ARAP2: variants seen among roughly 807,000 people sequenced by gnomAD.
The protein encoded by ARAP2 is arf-GAP with Rho-GAP domain, ANK repeat and PH domain-containing protein 2.
In ARAP2, 148 loss-of-function variants were observed where a neutral mutation model predicts 194.5. The observed-to-expected ratio is 0.76, with a 90% CI of 0.67 to 0.87. ARAP2 has a LOEUF of 0.87. Among genes scored for constraint, ARAP2 ranks in the 40% least tolerant of loss-of-function variants. The pLI, the probability that ARAP2 is intolerant of heterozygous loss-of-function variation, is 0.00. For missense variants in ARAP2, 2,128 were observed against 1,989.7 expected (o/e 1.07, Z -1.32); for synonymous variants, 695 against 683.5 (o/e 1.02, Z -0.26).
At chr4:36,056,273 C>A (rs773964564) in intron 2 of ARAP2, among the ~76,000 whole-genome samples, 1 of 152,200 alleles carries the variant, frequency 6.6e-6, no homozygotes, top group Non-Finnish European at 1.5e-5. Context: ...GTAGGCACTT[C>A]CCTTGTCTGG....
intron 5 of ARAP2, among the ~76,000 whole-genome samples, chr4:36,033,494 G>GT (rs34926829): frequency 9.5e-5 from 14 of 147,438 alleles, no homozygotes; most frequent in East Asian, 2.0e-4. Flanking sequence ...CAATGGGGTC[G>GT]TTTTTTTTTT....
At chr4:36,111,021 G>A (rs928886466) in intron 26 of ARAP2, among the ~76,000 whole-genome samples, 50 of 151,790 alleles carry the variant, frequency 3.3e-4, no homozygotes, top group African/African-American at 1.2e-3. Context: ...GTTATCTCAG[G>A]ACAGTAAAGG....
chr4:36,052,237 G>C (rs1722786347), intron 2 of ARAP2, among the ~76,000 whole-genome samples: 2 of 152,144 alleles, frequency 1.3e-5, no homozygotes, highest in Non-Finnish European at 2.9e-5. Flanking sequence ...AAGTAAAATT[G>C]CCAGGAAACA....
intron 2 of ARAP2, among the ~76,000 whole-genome samples, chr4:36,221,473 G>A (rs754815996): frequency 6.6e-6 from 1 of 151,866 alleles, no homozygotes; most frequent in Non-Finnish European, 1.5e-5. Context: ...TCAAACCTGG[G>A]CAGTCTTGTT....
intron 5 of ARAP2, among the ~76,000 whole-genome samples, chr4:36,026,373 G>A (rs1717907273): frequency 6.6e-6 from 1 of 152,156 alleles, no homozygotes; most frequent in African/African-American, 2.4e-5. Flanking sequence ...GATGTCAGAC[G>A]GGACACAAGG....
chr4:36,020,538 G>T (rs1290959609), intron 5 of ARAP2, among the ~76,000 whole-genome samples: 1 of 152,168 alleles, frequency 6.6e-6, no homozygotes, highest in Non-Finnish European at 1.5e-5. Context: ...GAAGCAGAAT[G>T]GGTGCTGGGA....
intron 20 of ARAP2, among the ~76,000 whole-genome samples, chr4:36,132,270 T>A (rs1317501777): frequency 1.3e-5 from 2 of 151,710 alleles, no homozygotes; most frequent in Admixed American, 6.6e-5. Context: ...AAGCACTCGA[T>A]AAAGAAGCAA....
At chr4:36,055,912 G>A (rs1232808138) in intron 2 of ARAP2, among the ~76,000 whole-genome samples, 3 of 152,060 alleles carry the variant, frequency 2.0e-5, no homozygotes, top group Non-Finnish European at 4.4e-5. Flanking sequence ...TTTCAGAGTG[G>A]GCAAGAGTTG....
chr4:36,238,337 T>C (rs1190047846), intron 1 of ARAP2, among the ~76,000 whole-genome samples: 3 of 152,186 alleles, frequency 2.0e-5, no homozygotes, highest in South Asian at 2.1e-4. Flanking sequence ...ACCATTTTTG[T>C]AGGACCTCAT....
chr4:36,147,870 A>C, intron 17 of ARAP2, 124 bp from the exon 18 acceptor site: 1 of 831,128 alleles, frequency 1.2e-6, no homozygotes. Flanking sequence ...TTCAAAGGTA[A>C]CACCAAATTC....
At chr4:36,130,643 A>T (rs1725203950) in intron 20 of ARAP2, among the ~76,000 whole-genome samples, 1 of 151,898 alleles carries the variant, frequency 6.6e-6, no homozygotes, top group Middle Eastern at 3.4e-3. Flanking sequence ...AATTTTATAC[A>T]CTGACTTGTA....
Position 36,198,240 on chromosome 4 carries a change from T to A in ARAP2, c.1488-4593A>T, listed in dbSNP as rs73809151. 5.5e-3 allele frequency among the ~76,000 whole-genome samples: 844 copies of A among 152,280 alleles called. 12 individuals carry two copies. The highest frequency in any genetic ancestry group is 0.018 in the African/African-American group (764 of 41,556). On this transcript the variant is annotated intron_variant, in intron 6 of 32. Transcript: ENST00000303965. ...GCCCTGGCCATGGGTAGCTCCTCCC[T>A]GCAGCTGGTCGTCCTGATGTCTGCG...
intron 7 of ARAP2, among the ~76,000 whole-genome samples, chr4:36,190,116 T>G (rs1461263490): frequency 2.6e-5 from 4 of 152,232 alleles, no homozygotes; most frequent in African/African-American, 9.6e-5. Flanking sequence ...CTGTTTGCTC[T>G]GCAACGAATT....
At position 36,014,320 on chromosome 4, in the gene ARAP2, AAGAG is replaced by A. The variant is rs1408991485; in HGVS notation, n.1056+1062_1056+1065del. ...AAGAAGAGAAGGAAGGAAAGAAAGA[AAGAG>A]AGAAAGAAAGAAAGAAAGAAAGAAA... On this transcript the variant is annotated intron_variant and non_coding_transcript_variant, in intron 8 of 12. Transcript: ENST00000503225. 1.1e-3 allele frequency among the ~76,000 whole-genome samples: 113 copies of A among 106,914 alleles called. 1 individual carries two copies. The highest frequency in any genetic ancestry group is 1.4e-3 in the Non-Finnish European group (69 of 50,490). 70.1% of individuals were successfully genotyped at this position (106,914 alleles called of 152,430 possible).
intron 27 of ARAP2, among the ~76,000 whole-genome samples, chr4:36,103,297 A>C (rs1320987483): frequency 6.6e-6 from 1 of 151,746 alleles, no homozygotes; most frequent in Non-Finnish European, 1.5e-5. Context: ...TAGATCATTA[A>C]AATTTCATTC....
chr4:36,186,638 C>G (rs937797434), intron 8 of ARAP2, among the ~76,000 whole-genome samples: 10 of 152,230 alleles, frequency 6.6e-5, no homozygotes, highest in African/African-American at 2.4e-4. Flanking sequence ...TACAGCCACT[C>G]CTGGCTGCAT....
intron 6 of ARAP2, among the ~76,000 whole-genome samples, chr4:36,204,600 A>G (rs1745121775): frequency 6.6e-6 from 1 of 152,230 alleles, no homozygotes; most frequent in Non-Finnish European, 1.5e-5. Flanking sequence ...TTAGCGGGCT[A>G]CAGGATGATG....
At chr4:36,134,759 CA>C (rs1335648012) in intron 19 of ARAP2, among the ~76,000 whole-genome samples, 2 of 144,822 alleles carry the variant, frequency 1.4e-5, no homozygotes, top group Non-Finnish European at 3.1e-5. Context: ...CACACACACA[CA>C]CCCTCCTGGA....
chr4:36,013,735 A>C (rs886144144), intron 8 of ARAP2, among the ~76,000 whole-genome samples: 1 of 152,206 alleles, frequency 6.6e-6, no homozygotes, highest in Non-Finnish European at 1.5e-5. Context: ...CAATTATTTT[A>C]AGGCAATAAT....
Sources: allele counts gnomAD v4.1 joint callset (sites outside exome capture counted in the v4.1 genomes callset), GRCh38; gene constraint gnomAD v4.1.1; transcripts MANE v1.5; gene names NCBI Gene and HGNC (gene_info 2026-07-23, HGNC 2026-07-21).